Variants in SPTAN1 observed in about 807,000 individuals in gnomAD.
The protein encoded by SPTAN1 is spectrin alpha chain, non-erythrocytic 1.
SPTAN1 carries 61 observed loss-of-function variants against 331.3 expected under a neutral mutation model. The observed-to-expected ratio is 0.18, with a 90% CI of 0.15 to 0.23. The LOEUF is 0.23. SPTAN1 is among the 10% of genes least tolerant of loss of function. The pLI is 1.00. For synonymous variants in SPTAN1, 1,153 were observed against 1,173.9 expected, an observed-to-expected ratio of 0.98 and a Z score of 0.36; for missense variants, 2,043 against 3,147.9, an observed-to-expected ratio of 0.65 and a Z score of 8.40.
At chr9:128,630,534 CTCTTT>C (rs2132050500) in intron 52 of SPTAN1, 159 bp downstream of exon 52, 1 of 667,706 alleles carries the variant, frequency 1.5e-6, no homozygotes, top group African/African-American at 1.8e-5. Flanking sequence ...CTATCTCTCT[CTCTTT>C]TCTTTCTTTC....
intron 1 of SPTAN1, among the ~76,000 whole-genome samples, chr9:128,561,755 A>T (rs570912876): frequency 6.6e-6 from 1 of 150,866 alleles, no homozygotes; most frequent in South Asian, 2.1e-4. Flanking sequence ...ATATTCTGGG[A>T]ACCGGAGGAT....
At chr9:128,615,874 C>T (rs775217886) in intron 41 of SPTAN1, 34 bp downstream of exon 41, 16 of 1,608,480 alleles carry the variant, frequency 9.9e-6, no homozygotes, top group Admixed American at 5.0e-5. Context: ...AGGCCCCTTA[C>T]GCCTGTAATA....
intron 1 of SPTAN1, among the ~76,000 whole-genome samples, chr9:128,562,850 A>G (rs1240182477): frequency 6.6e-6 from 1 of 151,692 alleles, no homozygotes; most frequent in African/African-American, 2.4e-5. Context: ...CTGTGGTCCC[A>G]GCTACTCAGG....
chr9:128,566,691 A>C, intron 1 of SPTAN1, 47 bp from the exon 2 acceptor site: 1 of 1,613,382 alleles, frequency 6.2e-7, no homozygotes, highest in Non-Finnish European at 8.5e-7. Context: ...CTTTTCATCT[A>C]TTTTGGTGCC....
chr9:128,582,579 C>T (rs1362077383), intron 13 of SPTAN1, 23 bp downstream of exon 13: 1 of 1,612,394 alleles, frequency 6.2e-7, no homozygotes, highest in African/African-American at 1.3e-5. Context: ...GTTCTTCATG[C>T]TCCTCCTTTT....
rs979331202 is a variant in SPTAN1 at position 128,619,389 on chromosome 9, T to C, written c.5733+386T>C. On this transcript the variant is annotated intron_variant, in intron 44 of 56. Transcript: ENST00000372739. The stretch of plus-strand genomic sequence containing the variant: ...ACAACAGAGATTTATTGCTTCTCAG[T>C]TCTGGAGGCCAGAAGTCTGAAATCA... Among the ~76,000 whole-genome samples the C allele has an allele frequency of 1.1e-4, 16 of 152,188 alleles. 1 individual carries two copies.
chr9:128,562,914 G>A (rs1040161876), intron 1 of SPTAN1, among the ~76,000 whole-genome samples: 36 of 149,258 alleles, frequency 2.4e-4, no homozygotes, highest in Middle Eastern at 3.5e-3. Context: ...GCAGTGAGCC[G>A]AGATCACGCC....
At position 128,629,618 on chromosome 9, in the gene SPTAN1, C is replaced by T. The variant is rs987381311; in HGVS notation, c.6708-703C>T. 4 of 167,288 alleles carry T rather than the reference C, an allele frequency of 2.4e-5. No individual in the cohort carries two copies. In the South Asian group the frequency reaches 6.7e-4, roughly 28 times the overall value. The allele number at this position is 167,288 out of a possible 1,614,324, so 10.4% of individuals were successfully genotyped here. Reference sequence around the variant, plus strand: ...TTTGTTGTCTTTGTTTACTGGTAGCCTCTGTGACCTGGCACTGTGTTCTCT... The same window carrying T: ...TTTGTTGTCTTTGTTTACTGGTAGCTTCTGTGACCTGGCACTGTGTTCTCT... On this transcript the variant is annotated intron_variant, in intron 51 of 56. Transcript: ENST00000372739. The surrounding 1 kb of genome is among the most constrained non-coding windows in gnomAD (Gnocchi z 4.9).
intron 52 of SPTAN1, 71 bp from the exon 53 acceptor site, chr9:128,632,056 G>GT: frequency 6.5e-7 from 1 of 1,534,864 alleles, no homozygotes; most frequent in African/African-American, 1.4e-5. Context: ...CCAGAGGGCA[G>GT]TAAGTGGCTC....
chr9:128,584,157 A>T, intron 16 of SPTAN1, 125 bp from the exon 17 acceptor site: 1 of 1,516,790 alleles, frequency 6.6e-7, no homozygotes, highest in Non-Finnish European at 9.1e-7. Context: ...TAGGAGCCCC[A>T]GATGAAGGAA....
intron 45 of SPTAN1, chr9:128,622,147 T>C (rs1857951323): frequency 6.6e-6 from 1 of 152,206 alleles, no homozygotes; most frequent in Non-Finnish European, 1.5e-5. Flanking sequence ...TGCGTGAAAC[T>C]AATTTCAGCT....
rs1851453844 is a variant in SPTAN1, at chr9:128,577,613, T to C, written c.1085+107T>C. On this transcript the variant is annotated intron_variant, in intron 8 of 56. Coordinates refer to ENST00000372739, the MANE Select transcript of SPTAN1 (RefSeq NM_001130438.3). This position sits in a 1 kb window ranked among gnomAD's most constrained non-coding sequence, Gnocchi z 4.2. Reference sequence around the variant, plus strand: ...CTGTGTTCTGTGAAAGTGTCAGGTATCACCTACAAATGCAAATCACTTCTT... The same window carrying C: ...CTGTGTTCTGTGAAAGTGTCAGGTACCACCTACAAATGCAAATCACTTCTT... 1.4e-6 allele frequency: 2 copies of C among 1,471,150 alleles called. No individual in the cohort carries two copies. Among genetic ancestry groups the C allele is most frequent in the Non-Finnish European group, 1.9e-6 (2 of 1,060,082 alleles). The allele number at this position is 1,471,150 out of a possible 1,614,324, so 91.1% of individuals were successfully genotyped here.
intron 37 of SPTAN1, among the ~76,000 whole-genome samples, chr9:128,610,873 G>A (rs1293004278): frequency 6.6e-6 from 1 of 152,200 alleles, no homozygotes; most frequent in East Asian, 1.9e-4. Context: ...GCCAATGTCT[G>A]TAGTAGCTGT....
chr9:128,555,293 T>A (rs1479050976), intron 1 of SPTAN1: 19 of 1,157,280 alleles, frequency 1.6e-5, no homozygotes, highest in Non-Finnish European at 2.2e-5. Context: ...TCTTCATGAT[T>A]TTGTTCCGTT....
At chr9:128,591,420 TG>T in intron 21 of SPTAN1, 56 bp from the exon 22 acceptor site, 3 of 1,612,184 alleles carry the variant, frequency 1.9e-6, no homozygotes, top group Non-Finnish European at 2.5e-6. Context: ...GTGACCTCCT[TG>T]GATTCTCCCT....
At chr9:128,563,930 G>T (rs1355547889) in intron 1 of SPTAN1, among the ~76,000 whole-genome samples, 1 of 151,886 alleles carries the variant, frequency 6.6e-6, no homozygotes, top group Non-Finnish European at 1.5e-5. Context: ...GAGCCATGGC[G>T]CCCGGCCTAT....
chr9:128,567,746 G>A (rs1230349698), intron 2 of SPTAN1, among the ~76,000 whole-genome samples: 1 of 152,038 alleles, frequency 6.6e-6, no homozygotes, highest in South Asian at 2.1e-4. Flanking sequence ...CTTATGGTAC[G>A]TAAATTATAT....
rs913740519 is a variant in SPTAN1 at position 128,633,467 on chromosome 9, G to A, written c.*133G>A. ...CTTGGAATAAGACTTAGGAGAAAATGGTGCTTCACTAACCCGCTTCCGGTC... is the reference window on the plus strand; with the variant it reads ...CTTGGAATAAGACTTAGGAGAAAATAGTGCTTCACTAACCCGCTTCCGGTC... On this transcript the variant is annotated 3_prime_UTR_variant, in exon 57 of 57. Coordinates refer to ENST00000372739, the MANE Select transcript of SPTAN1 (RefSeq NM_001130438.3). 6.8e-6 allele frequency: 10 copies of A among 1,470,806 alleles called. 1 individual carries two copies. Among genetic ancestry groups the A allele is most frequent in the Non-Finnish European group, 1.9e-6 (2 of 1,066,400 alleles). 91.1% of individuals were successfully genotyped at this position (1,470,806 alleles called of 1,614,324 possible).
intron 19 of SPTAN1, among the ~76,000 whole-genome samples, 159 bp downstream of exon 19, chr9:128,586,124 T>G (rs1228070584): frequency 7.3e-6 from 1 of 137,884 alleles, no homozygotes; most frequent in Non-Finnish European, 1.6e-5. Context: ...TTTTTTTTTT[T>G]TTTTTTTTTT....
Sources: allele counts gnomAD v4.1 joint callset (sites outside exome capture counted in the v4.1 genomes callset), GRCh38; gene constraint gnomAD v4.1.1; non-coding constraint Gnocchi (gnomAD v3.1); transcripts MANE v1.5; gene names NCBI Gene and HGNC (gene_info 2026-07-23, HGNC 2026-07-21).